Variants in TMBIM6 observed in about 807,000 individuals in gnomAD.
TMBIM6 encodes transmembrane BAX inhibitor motif containing 6, also known as bax inhibitor 1.
In TMBIM6, 13 loss-of-function variants were observed where a neutral mutation model predicts 31.4. The ratio of observed to expected loss-of-function variants is 0.41; its 90% CI spans 0.27 to 0.66. TMBIM6 has a LOEUF of 0.66. Among genes scored for constraint, TMBIM6 ranks in the 30% least tolerant of loss-of-function variants. The probability of loss-of-function intolerance (pLI) is 0.28; values close to 1 mark genes in which losing one functional copy is unlikely to be tolerated. For missense variants in TMBIM6, 275 were observed against 289.5 expected (o/e 0.95, Z 0.36); for synonymous variants, 85 against 101.7 (o/e 0.84, Z 0.99).
At chr12:49,743,409 A>G (rs1007542855) in intron 1 of TMBIM6, 2 of 151,578 alleles carry the variant, frequency 1.3e-5, no homozygotes, top group Non-Finnish European at 2.9e-5. Context: ...TAATTTTTGT[A>G]TTTTTAGTAG....
At position 49,763,552 on chromosome 12, in the gene TMBIM6, T is replaced by G. The variant is rs534487502; in HGVS notation, c.*656T>G. On this transcript the variant is annotated 3_prime_UTR_variant, in exon 10 of 10. Coordinates refer to ENST00000267115, the MANE Select transcript of TMBIM6 (RefSeq NM_003217.3). ...CTGACCCTCAGGGAGTCAGCCTGCT[T>G]CCATCCATGGGTGGGAAGACTTCAG... is the stretch of plus-strand genomic sequence containing the variant. 6.6e-6 allele frequency: 1 copy of G among 152,412 alleles called. No homozygotes were observed. Among genetic ancestry groups the G allele is most frequent in the Non-Finnish European group, 1.5e-5 (1 of 68,056 alleles). 9.4% of individuals were successfully genotyped at this position (152,412 alleles called of 1,614,324 possible). A position where few individuals can be genotyped will look rare whatever the true frequency, so the allele number is the denominator to read the frequency against.
chr12:49,748,263 C>T (rs575829149), intron 1 of TMBIM6, among the ~76,000 whole-genome samples: 1 of 151,790 alleles, frequency 6.6e-6, no homozygotes, highest in African/African-American at 2.4e-5. Flanking sequence ...TGATAATAGT[C>T]TTTCATTTTA....
At chr12:49,759,515 G>T (rs1370788715) in intron 8 of TMBIM6, among the ~76,000 whole-genome samples, 194 bp downstream of exon 8, 1 of 152,010 alleles carries the variant, frequency 6.6e-6, no homozygotes, top group African/African-American at 2.4e-5. Context: ...TAAAAATCTG[G>T]GCTAATAGGC....
intron 1 of TMBIM6, among the ~76,000 whole-genome samples, chr12:49,744,878 G>C (rs1053814295): frequency 6.6e-6 from 1 of 152,120 alleles, no homozygotes; most frequent in Non-Finnish European, 1.5e-5. Flanking sequence ...TAGGATTTTG[G>C]GGCCTTCTTA....
intron 3 of TMBIM6, among the ~76,000 whole-genome samples, chr12:49,755,113 A>G (rs1592728082): frequency 6.6e-6 from 1 of 152,148 alleles, no homozygotes; most frequent in South Asian, 2.1e-4. Context: ...GTGTGCCACC[A>G]TGCCTGGCTA....
At chr12:49,745,724 C>CAAAAAAAAA (rs761232522) in intron 1 of TMBIM6, among the ~76,000 whole-genome samples, 2 of 114,128 alleles carry the variant, frequency 1.8e-5, no homozygotes, top group African/African-American at 4.4e-5. Context: ...GACTCTGTCT[C>CAAAAAAAAA]AAAAAAAAAA....
At chr12:49,760,640 G>A (rs149508843) in intron 8 of TMBIM6, among the ~76,000 whole-genome samples, 13 of 147,852 alleles carry the variant, frequency 8.8e-5, no homozygotes, top group African/African-American at 2.8e-4. Context: ...GGGTTCAAGC[G>A]ATTCTTGTGC....
chr12:49,741,969 T>C, intron 1 of TMBIM6: 2 of 1,018,986 alleles, frequency 2.0e-6, no homozygotes, highest in Non-Finnish European at 2.8e-6. Flanking sequence ...GCAGGGCCCC[T>C]TGGCCTAGCT....
chr12:49,752,556 GT>G lies in TMBIM6; in HGVS notation c.56+11del. On this transcript the variant is annotated splice_region_variant and intron_variant, in intron 2 of 9. Transcript: ENST00000267115. ...TTTTAAAATTTTCTCATATGTAAGT[GT>G]TTTGACCTTGACTGGTTTTGTACTG... 1.2e-6 allele frequency: 2 copies of G among 1,608,338 alleles called. No individual in the cohort carries two copies. Among genetic ancestry groups the G allele is most frequent in the Non-Finnish European group, 1.7e-6 (2 of 1,175,616 alleles).
chr12:49,744,960 T>A (rs529481299), intron 1 of TMBIM6, among the ~76,000 whole-genome samples: 1 of 152,236 alleles, frequency 6.6e-6, no homozygotes, highest in African/African-American at 2.4e-5. Context: ...AAAAATAATT[T>A]ACTGAAGGCA....
chr12:49,752,800 C>CTA (rs1945519331), intron 2 of TMBIM6, among the ~76,000 whole-genome samples, 173 bp from the exon 3 acceptor site: 1 of 152,264 alleles, frequency 6.6e-6, no homozygotes, highest in Non-Finnish European at 1.5e-5. Flanking sequence ...GTTCTGTTAA[C>CTA]CTATTTTCAA....
chr12:49,757,660 G>T (rs1316698723), intron 4 of TMBIM6, among the ~76,000 whole-genome samples: 2 of 152,178 alleles, frequency 1.3e-5, no homozygotes, highest in African/African-American at 4.8e-5. Context: ...TTTTGCATCA[G>T]GGCAAGCTAG....
At chr12:49,742,480 C>A in intron 1 of TMBIM6, 1 of 601,040 alleles carries the variant, frequency 1.7e-6, no homozygotes, top group East Asian at 3.6e-5. Flanking sequence ...GGGTCATCAG[C>A]CTTTCATTGA....
intron 9 of TMBIM6, among the ~76,000 whole-genome samples, 194 bp from the exon 10 acceptor site, chr12:49,762,679 C>A (rs1197545120): frequency 6.6e-6 from 1 of 152,120 alleles, no homozygotes; most frequent in African/African-American, 2.4e-5. Context: ...TATTCTTGGT[C>A]GGTCTGTCGG....
rs1174891454 is a variant in TMBIM6 at position 49,764,384 on chromosome 12, A to G, written c.*1488A>G. 3.3e-5 allele frequency: 5 copies of G among 152,194 alleles called. No homozygotes were observed. In the East Asian group the frequency reaches 9.6e-4, roughly 29 times the overall value. The allele number at this position is 152,194 out of a possible 1,614,324, so 9.4% of individuals were successfully genotyped here. A position where few individuals can be genotyped will look rare whatever the true frequency, so the allele number is the denominator to read the frequency against. ...TTTGACACAGTGGCCTCAGGTTCAC[A>G]GTGCACCATGTCACTGTGCTATCCT... On this transcript the variant is annotated 3_prime_UTR_variant, in exon 10 of 10. Transcript: ENST00000267115.
chr12:49,761,115 T>C (rs1177105834), intron 8 of TMBIM6, among the ~76,000 whole-genome samples: 1 of 151,852 alleles, frequency 6.6e-6, no homozygotes, highest in Non-Finnish European at 1.5e-5. Flanking sequence ...GGATTACAGG[T>C]GTGAGCCACT....
chr12:49,764,760 T>C lies in TMBIM6; in HGVS notation c.*1864T>C, dbSNP rs1164712419. On this transcript the variant is annotated 3_prime_UTR_variant, in exon 10 of 10. Coordinates refer to ENST00000267115, the MANE Select transcript of TMBIM6 (RefSeq NM_003217.3). ...AAAAAACACCTACTTTTAAAGAAAA[T>C]ACCTAACAGATTTTTAATATAGTTA... The C allele has an allele frequency of 7.0e-6, 1 of 143,550 alleles. No individual in the cohort carries two copies. The highest frequency in any genetic ancestry group is 1.5e-5 in the Non-Finnish European group (1 of 64,966). The allele number at this position is 143,550 out of a possible 1,614,324, so 8.9% of individuals were successfully genotyped here.
At chr12:49,742,085 C>G (rs1843032782) in intron 1 of TMBIM6, 1 of 1,586,206 alleles carries the variant, frequency 6.3e-7, no homozygotes, top group South Asian at 1.1e-5. Flanking sequence ...CGGGCTGACC[C>G]TGGGTGAGCG....
At chr12:49,757,289 TGAATGAGGTTCAAGA>T (rs1314617737) in intron 4 of TMBIM6, among the ~76,000 whole-genome samples, 7 of 152,228 alleles carry the variant, frequency 4.6e-5, no homozygotes, top group African/African-American at 1.7e-4. Context: ...TGTACTTGAA[TGAATGAGGTTCAAGA>T]GCTTAGGTAG....
Sources: allele counts gnomAD v4.1 joint callset (sites outside exome capture counted in the v4.1 genomes callset), GRCh38; gene constraint gnomAD v4.1.1; transcripts MANE v1.5; gene names NCBI Gene and HGNC (gene_info 2026-07-23, HGNC 2026-07-21).